The following PDE4D variants were observed in gnomAD, a reference collection of about 807,000 sequenced individuals.
PDE4D encodes the protein phosphodiesterase 4D, also known as 3',5'-cyclic-AMP phosphodiesterase 4D.
PDE4D carries 24 observed loss-of-function variants against 87.4 expected under a neutral mutation model. The observed-to-expected ratio is 0.27, with a 90% confidence interval of 0.20 to 0.39. PDE4D has a LOEUF of 0.39. Among genes scored for constraint, PDE4D ranks in the 10% least tolerant of loss-of-function variants. The probability of loss-of-function intolerance (pLI) is 1.00; values close to 1 mark genes in which losing one functional copy is unlikely to be tolerated. For synonymous variants in PDE4D, 384 were observed against 383.2 expected (o/e 1.00, Z -0.02); for missense variants, 714 against 1,041.0 (o/e 0.69, Z 4.32).
intron 2 of PDE4D, among the ~76,000 whole-genome samples, chr5:59,203,115 A>C (rs1747905061): frequency 6.6e-6 from 1 of 152,160 alleles, no homozygotes; most frequent in South Asian, 2.1e-4. Flanking sequence ...AGGCTGAGGT[A>C]GCAGGATAGC....
At chr5:59,024,526 T>G (rs1755853665) in intron 6 of PDE4D, among the ~76,000 whole-genome samples, 1 of 152,120 alleles carries the variant, frequency 6.6e-6, no homozygotes, top group East Asian at 1.9e-4. Context: ...AAGAACAAAT[T>G]CCCCTTCTGT....
At chr5:60,339,874 G>A (rs1758152019) in intron 1 of PDE4D, among the ~76,000 whole-genome samples, 1 of 152,224 alleles carries the variant, frequency 6.6e-6, no homozygotes, top group South Asian at 2.1e-4. Flanking sequence ...GCATGGATGT[G>A]TTCCGAGGCA....
chr5:59,487,064 A>AT lies in PDE4D; in HGVS notation c.456-271097dup, dbSNP rs1267017803. On this transcript the variant is annotated intron_variant, in intron 1 of 14. Coordinates refer to ENST00000340635, the MANE Select transcript of PDE4D (RefSeq NM_001104631.2). ...AGATAATAGGAATCATATGTCCATC[A>AT]TTTAAATATGTAAGATCATCTTTTT... Among the ~76,000 whole-genome samples the AT allele has an allele frequency of 3.3e-5, 5 of 152,230 alleles. No individual in the cohort carries two copies. The East Asian group carries it at 9.6e-4, about 29-fold the overall frequency.
intron 1 of PDE4D, among the ~76,000 whole-genome samples, chr5:60,197,077 T>TTAGATAGA (rs70975372): frequency 0.091 from 10,705 of 117,296 alleles, 587 homozygotes; most frequent in Admixed American, 0.097. Flanking sequence ...AGATAGACAG[T>TTAGATAGA]TAGATAGATA....
intron 1 of PDE4D, among the ~76,000 whole-genome samples, chr5:59,843,968 T>C (rs893648781): frequency 6.6e-6 from 1 of 152,120 alleles, no homozygotes; most frequent in African/African-American, 2.4e-5. Context: ...ACTAGATTTC[T>C]TGCTCAATGT....
chr5:60,322,403 CACACACACACACAA>C (rs1254587292), intron 1 of PDE4D, among the ~76,000 whole-genome samples: 5 of 136,470 alleles, frequency 3.7e-5, no homozygotes, highest in African/African-American at 8.2e-5. Context: ...CACACACACA[CACACACACACACAA>C]AACCCTAACA....
intron 2 of PDE4D, among the ~76,000 whole-genome samples, chr5:60,042,771 C>T (rs1768675434): frequency 6.6e-6 from 1 of 152,124 alleles, no homozygotes; most frequent in Non-Finnish European, 1.5e-5. Context: ...AAAGGATGTC[C>T]AGTCAGAAAC....
intron 1 of PDE4D, among the ~76,000 whole-genome samples, chr5:59,781,374 A>G (rs527911132): frequency 3.9e-5 from 6 of 152,288 alleles, no homozygotes; most frequent in African/African-American, 1.2e-4. Context: ...TGGAAAGTCT[A>G]GAAGACTGTT....
At chr5:59,802,153 C>T (rs907003253) in intron 1 of PDE4D, among the ~76,000 whole-genome samples, 3 of 152,124 alleles carry the variant, frequency 2.0e-5, no homozygotes, top group African/African-American at 4.8e-5. Context: ...TTGGCAATCT[C>T]TATGCCCAGA....
At chr5:60,266,074 AG>A (rs1750175526) in intron 1 of PDE4D, among the ~76,000 whole-genome samples, 1 of 152,122 alleles carries the variant, frequency 6.6e-6, no homozygotes, top group Non-Finnish European at 1.5e-5. Flanking sequence ...ACCTGGCAGA[AG>A]GCAGGAAACT....
At chr5:59,719,368 G>A (rs1194485322) in intron 1 of PDE4D, among the ~76,000 whole-genome samples, 1 of 152,124 alleles carries the variant, frequency 6.6e-6, no homozygotes, top group East Asian at 1.9e-4. Context: ...ACACAGATAC[G>A]ATGGACTACA....
chr5:59,662,265 C>T (rs921050786), intron 1 of PDE4D, among the ~76,000 whole-genome samples: 8 of 152,222 alleles, frequency 5.3e-5, no homozygotes, highest in African/African-American at 1.7e-4. Context: ...GAAACTCTTA[C>T]AAGAGCTCAG....
chr5:59,244,707 T>C (rs1758475311), intron 1 of PDE4D, among the ~76,000 whole-genome samples: 1 of 147,258 alleles, frequency 6.8e-6, no homozygotes, highest in African/African-American at 2.5e-5. Flanking sequence ...TGTGTGTGTG[T>C]GTGTGTGTGT....
chr5:59,860,882 G>A (rs889365446), intron 1 of PDE4D, among the ~76,000 whole-genome samples: 9 of 150,078 alleles, frequency 6.0e-5, no homozygotes, highest in Non-Finnish European at 1.0e-4. Flanking sequence ...TTTTTTAGAT[G>A]GAGTCTCGCT....
Position 59,886,657 on chromosome 5 carries a change from T to C in PDE4D, c.455+6511A>G, listed in dbSNP as rs892242455. ...GGTAAGGAAGGGGTGTTGCAGAGCA[T>C]AGGGAAAGCAATCTAGAAGGAAGAA... is the stretch of plus-strand genomic sequence containing the variant. On this transcript the variant is annotated intron_variant, in intron 1 of 14. Transcript: ENST00000340635. Among the ~76,000 whole-genome samples the C allele has an allele frequency of 3.9e-5, 6 of 151,926 alleles. 1 individual carries two copies. Among genetic ancestry groups the C allele is most frequent in the Admixed American group, 2.6e-4 (4 of 15,252 alleles).
intron 2 of PDE4D, among the ~76,000 whole-genome samples, chr5:60,000,759 T>C (rs1472743017): frequency 6.6e-6 from 1 of 152,214 alleles, no homozygotes; most frequent in African/African-American, 2.4e-5. Flanking sequence ...TAAAAAGCTG[T>C]AATATGTGAC....
intron 1 of PDE4D, among the ~76,000 whole-genome samples, chr5:60,285,773 G>A (rs928690621): frequency 1.3e-5 from 2 of 152,136 alleles, no homozygotes; most frequent in African/African-American, 2.4e-5. Flanking sequence ...CATCAAATAT[G>A]GATTGCAATA....
intron 1 of PDE4D, among the ~76,000 whole-genome samples, chr5:59,309,457 A>G (rs1052010481): frequency 6.6e-6 from 1 of 152,072 alleles, no homozygotes; most frequent in African/African-American, 2.4e-5. Flanking sequence ...TTGCCTCTGT[A>G]TTTCACTCAG....
intron 1 of PDE4D, among the ~76,000 whole-genome samples, chr5:59,400,603 G>T: frequency 7.7e-6 from 1 of 130,124 alleles, no homozygotes; most frequent in African/African-American, 2.9e-5. Flanking sequence ...GGAGGGGGGA[G>T]GGATAGCATT....
Sources: allele counts gnomAD v4.1 joint callset (sites outside exome capture counted in the v4.1 genomes callset), GRCh38; gene constraint gnomAD v4.1.1; transcripts MANE v1.5; gene names NCBI Gene and HGNC (gene_info 2026-07-23, HGNC 2026-07-21).